The following CDH19 variants were observed in gnomAD, a reference collection of about 807,000 sequenced individuals.
CDH19 encodes the protein cadherin-19.
CDH19 carries 67 observed loss-of-function variants against 64.2 expected under a neutral mutation model. The observed-to-expected ratio is 1.04, with a 90% confidence interval of 0.86 to 1.28. CDH19 has a LOEUF of 1.28. Ranked by LOEUF, CDH19 falls within the 50% of genes most tolerant of loss-of-function variation. The probability of loss-of-function intolerance (pLI) is 0.00; values close to 1 mark genes in which losing one functional copy is unlikely to be tolerated. For synonymous variants in CDH19, 346 were observed against 319.3 expected (o/e 1.08, Z -0.89); for missense variants, 1,030 against 929.0 (o/e 1.11, Z -1.41).
At chr18:66,540,601 T>C (rs1419831625) in intron 7 of CDH19, among the ~76,000 whole-genome samples, 1 of 152,098 alleles carries the variant, frequency 6.6e-6, no homozygotes, top group Non-Finnish European at 1.5e-5. Context: ...GACTTCTGTG[T>C]CCTTACAGCC....
intron 5 of CDH19, among the ~76,000 whole-genome samples, chr18:66,550,559 A>G (rs1056049330): frequency 1.3e-5 from 2 of 152,138 alleles, no homozygotes; most frequent in Non-Finnish European, 2.9e-5. Context: ...CGGTCTAATT[A>G]CATGAGTGCT....
intron 9 of CDH19, among the ~76,000 whole-genome samples, chr18:66,522,671 T>C (rs1004673834): frequency 5.6e-4 from 85 of 151,496 alleles, no homozygotes; most frequent in Non-Finnish European, 9.7e-4. Context: ...TATTTTTTCT[T>C]CTTTTTGGTA....
At position 66,529,936 on chromosome 18, in the gene CDH19, A is replaced by T. The variant is rs1442939300; in HGVS notation, c.1367T>A (p.Leu456Gln). ...ATTGATGTTAAGAACTTGCACATAC[A>T]GTGGGATCGAAGAGATCTGTTCTAT... is the stretch of plus-strand genomic sequence containing the variant. Reference protein sequence around the residue: ...YNIEQISSIPLYVQVLNINDH... With the variant: ...YNIEQISSIPQYVQVLNINDH... The change falls in exon 9 of 12, where the codon CTG becomes CAG. Residue 456 changes from leucine (L) to glutamine (Q), a missense_variant. By Grantham distance (113) the Leu-to-Gln change is moderately radical. Coordinates refer to ENST00000262150, the MANE Select transcript of CDH19 (RefSeq NM_021153.4). 1.3e-6 allele frequency: 2 copies of T among 1,564,366 alleles called. No homozygotes were observed. The highest frequency in any genetic ancestry group is 3.4e-5 in the Admixed American group (2 of 58,172).
chr18:66,584,758 T>C (rs764794952), intron 1 of CDH19, among the ~76,000 whole-genome samples: 28 of 152,106 alleles, frequency 1.8e-4, no homozygotes, highest in Non-Finnish European at 3.2e-4. Context: ...GGCTATTTCT[T>C]ATTACTTTCC....
chr18:66,531,140 C>T (rs896103906), intron 8 of CDH19, among the ~76,000 whole-genome samples: 1 of 152,006 alleles, frequency 6.6e-6, no homozygotes, highest in African/African-American at 2.4e-5. Flanking sequence ...TATCTGTGAC[C>T]CAATCTGTTA....
rs1189453519 is a variant in CDH19 at position 66,567,379 on chromosome 18, G to A, written c.490+1037C>T. Among the ~76,000 whole-genome samples the A allele has an allele frequency of 2.0e-5, 3 of 151,270 alleles. No homozygotes were observed. In the Admixed American group the frequency reaches 2.0e-4, roughly 10 times the overall value. ...TGGAGAAGGGGGAGGAGGAGAGGGA[G>A]GGATGAGGAAGGTGAACTGTTTCTT... is the stretch of plus-strand genomic sequence containing the variant. On this transcript the variant is annotated intron_variant, in intron 3 of 11. Transcript: ENST00000262150.
At chr18:66,588,872 T>C (rs1281965270) in intron 1 of CDH19, among the ~76,000 whole-genome samples, 1 of 151,810 alleles carries the variant, frequency 6.6e-6, no homozygotes, top group African/African-American at 2.4e-5. Context: ...TAGGGAATCA[T>C]ACATCCCAGG....
At chr18:66,559,731 T>C (rs1336637031) in intron 3 of CDH19, among the ~76,000 whole-genome samples, 1 of 150,796 alleles carries the variant, frequency 6.6e-6, no homozygotes, top group African/African-American at 2.4e-5. Flanking sequence ...CTATTTTAGT[T>C]AAATATATAA....
chr18:66,587,863 T>A (rs1365715210), intron 1 of CDH19, among the ~76,000 whole-genome samples: 1 of 152,170 alleles, frequency 6.6e-6, no homozygotes, highest in Non-Finnish European at 1.5e-5. Context: ...CAAAATCAAC[T>A]GTGTCTCTAA....
intron 8 of CDH19, among the ~76,000 whole-genome samples, chr18:66,530,526 T>C (rs943271881): frequency 6.6e-6 from 1 of 152,028 alleles, no homozygotes; most frequent in Admixed American, 6.6e-5. Flanking sequence ...AAAATAGTTA[T>C]AATAAAATCT....
In CDH19 at chr18:66,511,670, T is replaced by A. The variant is rs750820016; in HGVS notation, c.1474A>T (p.Ser492Cys). The change falls in exon 10 of 12, where the codon AGT becomes TGT. Residue 492 changes from serine (S) to cysteine (C), a missense_variant. Coordinates refer to ENST00000262150, the MANE Select transcript of CDH19 (RefSeq NM_021153.4). ...ATGGATTCATCTCTATCCACTGCAC[T>A]GATAGTCTGAATTACCTAAAAAAAA... is the stretch of plus-strand genomic sequence containing the variant. ...AGSGQVIQTI[S>C]AVDRDESIEE... 15 of 1,536,584 alleles carry A rather than the reference T, an allele frequency of 9.8e-6. No individual in the cohort carries two copies. The East Asian group carries it at 3.4e-4, about 35-fold the overall frequency.
At chr18:66,560,403 A>G (rs1987677262) in intron 3 of CDH19, among the ~76,000 whole-genome samples, 1 of 152,088 alleles carries the variant, frequency 6.6e-6, no homozygotes, top group South Asian at 2.1e-4. Context: ...ATTTTGTGAT[A>G]TAAAATTTGG....
intron 9 of CDH19, among the ~76,000 whole-genome samples, chr18:66,518,718 T>C (rs1272237851): frequency 6.6e-6 from 1 of 152,200 alleles, no homozygotes; most frequent in East Asian, 1.9e-4. Flanking sequence ...TAACTGTAAC[T>C]TTGAAACTCA....
intron 9 of CDH19, among the ~76,000 whole-genome samples, chr18:66,524,405 TAAC>T (rs1986125703): frequency 6.6e-6 from 1 of 151,782 alleles, no homozygotes. Context: ...CTATGGTTAA[TAAC>T]AACATATTGT....
intron 3 of CDH19, among the ~76,000 whole-genome samples, chr18:66,559,781 CAAA>C (rs1409308283): frequency 1.3e-5 from 2 of 150,826 alleles, no homozygotes; most frequent in African/African-American, 4.9e-5. Flanking sequence ...AATATCTAAA[CAAA>C]AACTGTAACC....
At chr18:66,518,835 ATTATTTCATT>A (rs1284570160) in intron 9 of CDH19, among the ~76,000 whole-genome samples, 2 of 151,738 alleles carry the variant, frequency 1.3e-5, no homozygotes, top group African/African-American at 4.8e-5. Flanking sequence ...TTTTTCTTAC[ATTATTTCATT>A]TTATTTCATT....
At chr18:66,554,835 TAA>T (rs368980864) in intron 3 of CDH19, among the ~76,000 whole-genome samples, 295 of 151,952 alleles carry the variant, frequency 1.9e-3, no homozygotes, top group African/African-American at 6.5e-3. Flanking sequence ...TTATAAATCA[TAA>T]ACTTTTCCAA....
chr18:66,590,214 G>A (rs1215911185), intron 1 of CDH19, among the ~76,000 whole-genome samples: 1 of 151,602 alleles, frequency 6.6e-6, no homozygotes, highest in Non-Finnish European at 1.5e-5. Context: ...TGACTTTACG[G>A]TAAATATTTT....
intron 7 of CDH19, among the ~76,000 whole-genome samples, chr18:66,543,028 CT>C (rs1426244043): frequency 6.6e-6 from 1 of 152,100 alleles, no homozygotes; most frequent in Non-Finnish European, 1.5e-5. Flanking sequence ...AAATAAGCCA[CT>C]TTTTTGTTGT....
Sources: gnomAD v4.1 joint callset for allele counts (sites outside exome capture counted in the v4.1 genomes callset) on GRCh38, gnomAD v4.1.1 for gene constraint, MANE v1.5 for transcripts, NCBI Gene and HGNC (gene_info 2026-07-23, HGNC 2026-07-21) for gene names.